Variants in RNF2 observed in about 807,000 individuals in gnomAD.
RNF2 encodes the protein E3 ubiquitin-protein ligase RING2.
A neutral mutation model predicts 37.2 loss-of-function variants in RNF2; 6 were observed. The observed-to-expected ratio is 0.16, with a 90% CI of 0.09 to 0.32. RNF2 has a LOEUF of 0.32. RNF2 is among the 10% of genes least tolerant of loss of function. The pLI, the probability that RNF2 is intolerant of heterozygous loss-of-function variation, is 1.00. For synonymous variants in RNF2, 133 were observed against 132.7 expected (o/e 1.00, Z -0.02); for missense variants, 251 against 404.0 (o/e 0.62, Z 3.25).
At chr1:185,067,590 AAG>A (rs1031609096) in intron 1 of RNF2, among the ~76,000 whole-genome samples, 1 of 152,204 alleles carries the variant, frequency 6.6e-6, no homozygotes, top group African/African-American at 2.4e-5. Context: ...ATCTCATTAA[AAG>A]AGAGAGAAGG....
chr1:185,070,883 G>T (rs533852432), intron 1 of RNF2, among the ~76,000 whole-genome samples: 10 of 152,026 alleles, frequency 6.6e-5, no homozygotes, highest in Non-Finnish European at 1.3e-4. Context: ...TGATCCGCCC[G>T]CCTCGGCCTC....
intron 1 of RNF2, among the ~76,000 whole-genome samples, chr1:185,080,840 A>C (rs1651324382): frequency 6.6e-6 from 1 of 152,220 alleles, no homozygotes; most frequent in South Asian, 2.1e-4. Flanking sequence ...ATACTTCAGC[A>C]GAATGTTTTA....
At chr1:185,083,395 C>A (rs1294199292) in intron 1 of RNF2, among the ~76,000 whole-genome samples, 3 of 152,038 alleles carry the variant, frequency 2.0e-5, no homozygotes, top group African/African-American at 7.2e-5. Flanking sequence ...TTGTTTTAGC[C>A]TATGAACAAG....
intron 1 of RNF2, among the ~76,000 whole-genome samples, chr1:185,086,084 G>T (rs983623760): frequency 6.6e-6 from 1 of 151,730 alleles, no homozygotes; most frequent in Admixed American, 6.6e-5. Flanking sequence ...TTTCCTTTAA[G>T]CTCTGTTGGA....
chr1:185,046,530 C>T (rs959615156), intron 1 of RNF2, among the ~76,000 whole-genome samples: 4 of 152,052 alleles, frequency 2.6e-5, no homozygotes, highest in Non-Finnish European at 4.4e-5. Context: ...AGTTATTTGC[C>T]CGCTAAGATC....
At chr1:185,080,817 C>T (rs1025837690) in intron 1 of RNF2, among the ~76,000 whole-genome samples, 4 of 152,204 alleles carry the variant, frequency 2.6e-5, no homozygotes, top group Non-Finnish European at 5.9e-5. Flanking sequence ...TAACTAATAT[C>T]TCTAGAAATA....
chr1:185,059,881 T>A (rs1650550022), intron 1 of RNF2, among the ~76,000 whole-genome samples: 1 of 152,214 alleles, frequency 6.6e-6, no homozygotes, highest in Admixed American at 6.5e-5. Context: ...GCCTTCAACT[T>A]TTCTCTCTCA....
At position 185,092,954 on chromosome 1, in the gene RNF2, A is replaced by G. The variant is rs1651811467; in HGVS notation, c.249-107A>G. On this transcript the variant is annotated intron_variant, in intron 3 of 6. Transcript: ENST00000367510. ...TTGGTTTACATTTCTGTGACTTATT[A>G]AAGGTATTGGAATAAAGGTGAATAA... 3.3e-6 allele frequency: 3 copies of G among 906,350 alleles called. No homozygotes were observed. In the South Asian group the frequency reaches 4.7e-5, roughly 14 times the overall value. 56.1% of individuals were successfully genotyped at this position (906,350 alleles called of 1,614,324 possible).
At chr1:185,078,958 C>T (rs148034073) in intron 1 of RNF2, among the ~76,000 whole-genome samples, 1,933 of 152,130 alleles carry the variant, frequency 0.013, 41 homozygotes, top group African/African-American at 0.044. Flanking sequence ...GCAGGAGAAT[C>T]GCTTGAACCC....
intron 1 of RNF2, among the ~76,000 whole-genome samples, chr1:185,063,800 C>T (rs1650719259): frequency 6.6e-6 from 1 of 152,144 alleles, no homozygotes; most frequent in Non-Finnish European, 1.5e-5. Flanking sequence ...CCCCTTCTTC[C>T]ATCTTCAGGC....
At chr1:185,082,367 T>TTTTTTTTTTTTTTTTTTTTTG (rs60213064) in intron 1 of RNF2, among the ~76,000 whole-genome samples, 1 of 113,206 alleles carries the variant, frequency 8.8e-6, no homozygotes, top group African/African-American at 3.5e-5. Flanking sequence ...TTTTTTTTTT[T>TTTTTTTTTTTTTTTTTTTTTG]GAAGACAGAG....
chr1:185,073,018 G>A (rs1344346853), intron 1 of RNF2, among the ~76,000 whole-genome samples: 1 of 147,862 alleles, frequency 6.8e-6, no homozygotes, highest in African/African-American at 2.5e-5. Context: ...TTTTTTAATT[G>A]CTTAAATAGG....
intron 1 of RNF2, among the ~76,000 whole-genome samples, chr1:185,060,286 G>A (rs568427736): frequency 6.6e-6 from 1 of 152,280 alleles, no homozygotes; most frequent in Admixed American, 6.5e-5. Flanking sequence ...TAACTGATCT[G>A]TATCATTAAG....
At chr1:185,096,351 C>T (rs537953304) in intron 4 of RNF2, among the ~76,000 whole-genome samples, 4 of 152,008 alleles carry the variant, frequency 2.6e-5, no homozygotes, top group Admixed American at 6.6e-5. Context: ...AAACGATTGG[C>T]TCCTCAAAGC....
At chr1:185,088,314 G>A (rs1021848336) in intron 2 of RNF2, among the ~76,000 whole-genome samples, 1 of 151,894 alleles carries the variant, frequency 6.6e-6, no homozygotes, top group Admixed American at 6.6e-5. Flanking sequence ...AGAAAAGGAA[G>A]GAAAAACAGG....
At chr1:185,051,105 C>T (rs1650259287) in intron 1 of RNF2, among the ~76,000 whole-genome samples, 9 of 152,186 alleles carry the variant, frequency 5.9e-5, no homozygotes, top group Admixed American at 5.9e-4. Flanking sequence ...ACCATTCACA[C>T]ACTATGTTGA....
Position 185,067,601 on chromosome 1 carries a change from G to A in RNF2, c.-2-19951G>A, listed in dbSNP as rs138959547. 1.3e-3 allele frequency among the ~76,000 whole-genome samples: 200 copies of A among 151,886 alleles called. 1 individual carries two copies. The highest frequency in any genetic ancestry group is 4.7e-3 in the African/African-American group (196 of 41,396). On this transcript the variant is annotated intron_variant, in intron 1 of 6. Transcript: ENST00000367510. ...ACATATCTCATTAAAAGAGAGAGAA[G>A]GCATCTTAGTTTTTCTTTGTTTCAT...
intron 4 of RNF2, 33 bp downstream of exon 4, chr1:185,093,309 G>T: frequency 6.3e-7 from 1 of 1,580,892 alleles, no homozygotes; most frequent in South Asian, 1.1e-5. Context: ...GAGGGTAGCT[G>T]TTTTTCTGAA....
intron 1 of RNF2, among the ~76,000 whole-genome samples, chr1:185,056,670 C>T (rs572878934): frequency 6.6e-5 from 10 of 152,252 alleles, no homozygotes; most frequent in Non-Finnish European, 1.2e-4. Flanking sequence ...TGCACCTGGC[C>T]TATCATTCAT....
Sources: gnomAD v4.1 joint callset for allele counts (sites outside exome capture counted in the v4.1 genomes callset) on GRCh38, gnomAD v4.1.1 for gene constraint, MANE v1.5 for transcripts, NCBI Gene and HGNC (gene_info 2026-07-23, HGNC 2026-07-21) for gene names.